NELL2: variants seen among roughly 807,000 people sequenced by gnomAD.
The protein encoded by NELL2 is neural EGFL like 2, also known as protein kinase C-binding protein NELL2.
A neutral mutation model predicts 109.6 loss-of-function variants in NELL2; 41 were observed. The ratio of observed to expected loss-of-function variants is 0.37; its 90% CI spans 0.29 to 0.49. The LOEUF (loss-of-function observed/expected upper bound fraction) is 0.49. NELL2 is among the 20% of genes least tolerant of loss of function. NELL2 has a pLI of 0.98. For missense variants in NELL2, 900 were observed against 1,008.3 expected (o/e 0.89, Z 1.45); for synonymous variants, 355 against 344.7 (o/e 1.03, Z -0.33).
chr12:44,594,845 G>A (rs1944896758), intron 15 of NELL2, among the ~76,000 whole-genome samples: 1 of 152,036 alleles, frequency 6.6e-6, no homozygotes, highest in African/African-American at 2.4e-5. Context: ...TACAGTTAGT[G>A]TAAGGTACAA....
Position 44,581,941 on chromosome 12 carries a change from G to A in NELL2, c.1663+25228C>T, listed in dbSNP as rs1944340043. On this transcript the variant is annotated intron_variant, in intron 15 of 19. Transcript: ENST00000429094. ...AATTCAAGTCAACAAAACATTTTAA[G>A]CTCACACTAAATAGACACAATAGAA... is the stretch of plus-strand genomic sequence containing the variant. Among the ~76,000 whole-genome samples, 3 of 152,286 alleles carry A rather than the reference G, an allele frequency of 2.0e-5. No individual in the cohort carries two copies. In the South Asian group the frequency reaches 6.2e-4, roughly 32 times the overall value.
chr12:44,608,726 C>T (rs996929214), intron 14 of NELL2, among the ~76,000 whole-genome samples: 1 of 151,636 alleles, frequency 6.6e-6, no homozygotes, highest in Non-Finnish European at 1.5e-5. Context: ...AGCTTTTGGG[C>T]TCCTAGATGA....
intron 9 of NELL2, among the ~76,000 whole-genome samples, chr12:44,767,477 A>G (rs956975525): frequency 1.3e-5 from 2 of 152,160 alleles, no homozygotes; most frequent in African/African-American, 4.8e-5. Context: ...AAAGCTGGCA[A>G]TATTAAAAGT....
At chr12:44,744,755 A>G (rs1940222683) in intron 9 of NELL2, among the ~76,000 whole-genome samples, 1 of 152,254 alleles carries the variant, frequency 6.6e-6, no homozygotes. Flanking sequence ...TAAACCAGGA[A>G]GAAGTTGAAT....
chr12:44,693,399 G>T (rs1362525145), intron 12 of NELL2, among the ~76,000 whole-genome samples: 1 of 152,034 alleles, frequency 6.6e-6, no homozygotes, highest in Admixed American at 6.6e-5. Flanking sequence ...TTGCTTTATT[G>T]CAATATTAGC....
At chr12:44,802,126 G>A (rs758302444) in intron 3 of NELL2, among the ~76,000 whole-genome samples, 14 of 152,100 alleles carry the variant, frequency 9.2e-5, no homozygotes, top group Admixed American at 5.9e-4. Flanking sequence ...GAAATGGAGA[G>A]TTTAAAAGTA....
intron 9 of NELL2, among the ~76,000 whole-genome samples, chr12:44,761,052 G>A (rs572432351): frequency 1.3e-5 from 2 of 152,286 alleles, no homozygotes; most frequent in African/African-American, 4.8e-5. Context: ...CAACATACAT[G>A]AAAAATTATT....
In NELL2 at chr12:44,779,798, CA is replaced by C. The variant is rs767635814; in HGVS notation, c.510-40del. 1.9e-5 allele frequency: 31 copies of C among 1,612,834 alleles called. No individual in the cohort carries two copies. In the South Asian group the frequency reaches 3.4e-4, roughly 18 times the overall value. On this transcript the variant is annotated intron_variant, in intron 4 of 19. Transcript: ENST00000429094. ...ACATCAAAGAAGGAACGTGAGTAGACAGTCATTTCTTAGAATCTTCCATTTC... is the reference window on the plus strand; with the variant it reads ...ACATCAAAGAAGGAACGTGAGTAGACGTCATTTCTTAGAATCTTCCATTTC...
intron 15 of NELL2, among the ~76,000 whole-genome samples, chr12:44,565,641 G>C (rs1001303220): frequency 3.3e-5 from 5 of 152,150 alleles, no homozygotes; most frequent in African/African-American, 1.2e-4. Context: ...CAGAATGCTT[G>C]AGTTCCAATG....
upstream of NELL2, among the ~76,000 whole-genome samples, chr12:44,878,710 G>A (rs562746907): frequency 1.2e-4 from 15 of 125,392 alleles, no homozygotes; most frequent in South Asian, 4.9e-3. Context: ...TTCGAATACA[G>A]AAGCTTTACT....
intron 15 of NELL2, among the ~76,000 whole-genome samples, chr12:44,589,121 C>A (rs1344834824): frequency 6.6e-6 from 1 of 152,104 alleles, no homozygotes; most frequent in Non-Finnish European, 1.5e-5. Flanking sequence ...CTGTAAGTAG[C>A]AGAACTTCAA....
chr12:44,627,951 T>C (rs1797454919), intron 13 of NELL2, among the ~76,000 whole-genome samples: 1 of 152,208 alleles, frequency 6.6e-6, no homozygotes, highest in South Asian at 2.1e-4. Flanking sequence ...CTGATTATCA[T>C]TAAATGGAAC....
In NELL2 at chr12:44,901,702, C is replaced by G. The variant is rs1945662509; in HGVS notation, c.38+12097G>C. ...GCAGCACATCAAAAGGCTTATCCAGCATGATCAAGTCAGCTTCATCCCTGG... is the reference window on the plus strand; with the variant it reads ...GCAGCACATCAAAAGGCTTATCCAGGATGATCAAGTCAGCTTCATCCCTGG... On this transcript the variant is annotated intron_variant, in intron 1 of 20. Coordinates refer to the NELL2 transcript ENST00000333837. 2.0e-5 allele frequency among the ~76,000 whole-genome samples: 3 copies of G among 152,168 alleles called. No individual in the cohort carries two copies. In the South Asian group the frequency reaches 6.2e-4, roughly 32 times the overall value.
chr12:44,625,602 G>T (rs1174050078), intron 13 of NELL2, among the ~76,000 whole-genome samples: 1 of 151,842 alleles, frequency 6.6e-6, no homozygotes. Context: ...AAAAAATGGA[G>T]CAGGTTGGCA....
chr12:44,699,121 G>A (rs1949146173), intron 12 of NELL2, among the ~76,000 whole-genome samples: 1 of 152,078 alleles, frequency 6.6e-6, no homozygotes, highest in African/African-American at 2.4e-5. Flanking sequence ...TGAAAAACAG[G>A]ATGTCCAACA....
chr12:44,801,381 T>G (rs1048780851), intron 3 of NELL2, among the ~76,000 whole-genome samples: 2 of 151,988 alleles, frequency 1.3e-5, no homozygotes, highest in African/African-American at 4.8e-5. Context: ...AATACATGAT[T>G]ATTATTATTA....
chr12:44,834,836 C>T (rs58198686), intron 2 of NELL2, among the ~76,000 whole-genome samples: 1 of 152,320 alleles, frequency 6.6e-6, no homozygotes, highest in African/African-American at 2.4e-5. Context: ...TGCTTGGACC[C>T]ACCTCTCAGC....
intron 1 of NELL2, among the ~76,000 whole-genome samples, chr12:44,881,505 C>A (rs961838870): frequency 6.6e-6 from 1 of 151,762 alleles, no homozygotes; most frequent in Non-Finnish European, 1.5e-5. Flanking sequence ...AAACAAAAAT[C>A]ATTAGAATGG....
chr12:44,635,784 T>C (rs1946617151), intron 13 of NELL2, among the ~76,000 whole-genome samples: 1 of 152,212 alleles, frequency 6.6e-6, no homozygotes, highest in South Asian at 2.1e-4. Context: ...TTTGGTTCCA[T>C]ATGAAATTTA....
Sources: allele counts gnomAD v4.1 joint callset (sites outside exome capture counted in the v4.1 genomes callset), GRCh38; gene constraint gnomAD v4.1.1; transcripts MANE v1.5; gene names NCBI Gene and HGNC (gene_info 2026-07-23, HGNC 2026-07-21).